The following ANKRD30B variants were observed in gnomAD, a reference collection of about 807,000 sequenced individuals.
ANKRD30B encodes ankyrin repeat domain-containing protein 30B.
A neutral mutation model predicts 202.2 loss-of-function variants in ANKRD30B; 144 were observed. The observed-to-expected ratio is 0.71, with a 90% CI of 0.62 to 0.82. The LOEUF (loss-of-function observed/expected upper bound fraction) is 0.82, where lower values mean the gene tolerates loss of function less well. Among genes scored for constraint, ANKRD30B ranks in the 40% least tolerant of loss-of-function variants. The probability of loss-of-function intolerance (pLI) is 0.00; values close to 1 mark genes in which losing one functional copy is unlikely to be tolerated. For missense variants in ANKRD30B, 1,487 were observed against 1,669.1 expected, an observed-to-expected ratio of 0.89 and a Z score of 1.90; for synonymous variants, 508 against 561.3, an observed-to-expected ratio of 0.91 and a Z score of 1.34.
chr18:14,799,091 T>G lies in ANKRD30B; in HGVS notation c.2030-10T>G, dbSNP rs749590728. On this transcript the variant is annotated splice_polypyrimidine_tract_variant and intron_variant, in intron 20 of 43. Transcript: ENST00000690538. Reference sequence around the variant, plus strand: ...CATATAATCAATTATATATGTCCCTTTTCTTTTAGAGTCTCCTGATAATGA... The same window carrying G: ...CATATAATCAATTATATATGTCCCTGTTCTTTTAGAGTCTCCTGATAATGA... 6.4e-7 allele frequency: 1 copy of G among 1,569,812 alleles called. No individual in the cohort carries two copies. The highest frequency in any genetic ancestry group is 1.4e-5 in the African/African-American group (1 of 73,894).
the ANKRD30B span, among the ~76,000 whole-genome samples, chr18:14,911,672 T>C: frequency 3.9e-5 from 6 of 152,208 alleles, no homozygotes; most frequent in African/African-American, 1.4e-4. Context: ...ATGATGTTAG[T>C]AATTTAATAG....
At chr18:14,761,078 T>C (rs1271119161) in intron 6 of ANKRD30B, among the ~76,000 whole-genome samples, 1 of 152,212 alleles carries the variant, frequency 6.6e-6, no homozygotes, top group Non-Finnish European at 1.5e-5. Flanking sequence ...ATAAATGTTA[T>C]TACAAATGAT....
chr18:14,810,701 T>C lies in ANKRD30B; in HGVS notation c.2488+521T>C, dbSNP rs892768748. ...TGACTCTTTGCTAGACACACTGTTT[T>C]AGAAGTGTGACTCTAAAGCTTTTGG... On this transcript the variant is annotated intron_variant, in intron 28 of 43. Transcript: ENST00000690538. Among the ~76,000 whole-genome samples the C allele has an allele frequency of 1.6e-3, 234 of 150,620 alleles. 1 individual carries two copies. Among genetic ancestry groups the C allele is most frequent in the Non-Finnish European group, 2.0e-3 (135 of 67,572 alleles).
chr18:14,815,676 C>T (rs1341980019), intron 30 of ANKRD30B, among the ~76,000 whole-genome samples: 4 of 152,142 alleles, frequency 2.6e-5, no homozygotes, highest in Non-Finnish European at 4.4e-5. Flanking sequence ...GAATTTATTG[C>T]TTGAATACCT....
rs1445973647 is a variant in ANKRD30B at position 14,820,224 on chromosome 18, CTT to C, written c.2642-2257_2642-2256del. On this transcript the variant is annotated intron_variant, in intron 30 of 43. Coordinates refer to ENST00000690538, the MANE Select transcript of ANKRD30B (RefSeq NM_001367607.2). The stretch of plus-strand genomic sequence containing the variant: ...TGTACATTGATTTTGTATCCTGAGA[CTT>C]TGCTGAATTTGCTTATCAGCTTAAG... Among the ~76,000 whole-genome samples the C allele has an allele frequency of 3.3e-5, 5 of 152,162 alleles. No individual in the cohort carries two copies. In the East Asian group the frequency reaches 7.7e-4, roughly 23 times the overall value.
At chr18:14,878,294 TTATC>T in the ANKRD30B span, among the ~76,000 whole-genome samples, 17 of 152,272 alleles carry the variant, frequency 1.1e-4, no homozygotes, top group Middle Eastern at 3.4e-3. Context: ...GTTAACTTGA[TTATC>T]TACCCTGTGG....
the ANKRD30B span, chr18:14,883,666 A>AG: frequency 6.7e-6 from 1 of 150,036 alleles, no homozygotes; most frequent in Admixed American, 6.7e-5. Flanking sequence ...GGGCAGCCAA[A>AG]GGGAGGATTA....
At position 14,776,974 on chromosome 18, in the gene ANKRD30B, T is replaced by A. The variant is rs545203152; in HGVS notation, c.1330-1011T>A. The stretch of plus-strand genomic sequence containing the variant: ...AAAATTCTCTTCATGCCATGCATAG[T>A]TTTTAACAAAAATTCTATAATTATG... On this transcript the variant is annotated intron_variant, in intron 9 of 43. Transcript: ENST00000690538. 3.3e-5 allele frequency among the ~76,000 whole-genome samples: 5 copies of A among 152,316 alleles called. No homozygotes were observed. The South Asian group carries it at 6.2e-4, about 19-fold the overall frequency.
chr18:14,862,953 C>T, the ANKRD30B span, among the ~76,000 whole-genome samples: 42 of 152,310 alleles, frequency 2.8e-4, no homozygotes, highest in Admixed American at 9.8e-4. Flanking sequence ...TGCCCAACTT[C>T]GCCATTTGGG....
chr18:14,810,494 C>T (rs1054050640), intron 28 of ANKRD30B, among the ~76,000 whole-genome samples: 1 of 150,972 alleles, frequency 6.6e-6, no homozygotes, highest in Non-Finnish European at 1.5e-5. Context: ...GAAATATTTT[C>T]AGTGGTTCAA....
At chr18:14,856,440 T>C (rs540969545), downstream of ANKRD30B, among the ~76,000 whole-genome samples, 75 of 137,332 alleles carry the variant, frequency 5.5e-4, 2 homozygotes, top group African/African-American at 1.9e-3. Flanking sequence ...GCAGAGGCGC[T>C]CCTCAACTGC....
At chr18:14,938,004 C>A in the ANKRD30B span, among the ~76,000 whole-genome samples, 2 of 152,200 alleles carry the variant, frequency 1.3e-5, no homozygotes, top group Non-Finnish European at 2.9e-5. Context: ...AACCGCTGCT[C>A]CTAAAACTAA....
intron 16 of ANKRD30B, among the ~76,000 whole-genome samples, chr18:14,792,336 G>A (rs1381050532): frequency 2.0e-5 from 3 of 152,074 alleles, no homozygotes; most frequent in East Asian, 1.9e-4. Flanking sequence ...AAGCATTATG[G>A]TGCTCCTATT....
intron 30 of ANKRD30B, among the ~76,000 whole-genome samples, chr18:14,818,861 C>A (rs2070846522): frequency 1.3e-5 from 2 of 151,828 alleles, no homozygotes; most frequent in African/African-American, 4.8e-5. Context: ...ATTTATAGTC[C>A]TTTGGGTATA....
chr18:14,821,858 T>G (rs1034878212), intron 30 of ANKRD30B, among the ~76,000 whole-genome samples: 4 of 152,216 alleles, frequency 2.6e-5, no homozygotes, highest in African/African-American at 9.6e-5. Flanking sequence ...ATAAAAATAC[T>G]CGTATTTCAC....
At chr18:14,843,780 C>A (rs1242072736) in intron 39 of ANKRD30B, among the ~76,000 whole-genome samples, 1 of 151,864 alleles carries the variant, frequency 6.6e-6, no homozygotes, top group Non-Finnish European at 1.5e-5. Flanking sequence ...GGGGACAGAG[C>A]GAGACTCCGT....
chr18:14,823,438 C>T (rs1970533336), intron 32 of ANKRD30B, among the ~76,000 whole-genome samples: 1 of 151,588 alleles, frequency 6.6e-6, no homozygotes, highest in Non-Finnish European at 1.5e-5. Context: ...AGTGTTGTCA[C>T]TCTGAGAATC....
At chr18:14,755,200 A>C (rs1419001436) in intron 4 of ANKRD30B, among the ~76,000 whole-genome samples, 195 bp downstream of exon 4, 1 of 152,134 alleles carries the variant, frequency 6.6e-6, no homozygotes, top group Non-Finnish European at 1.5e-5. Flanking sequence ...AGTAGGACTT[A>C]TCTTCTCTTA....
intron 12 of ANKRD30B, 30 bp from the exon 13 acceptor site, chr18:14,784,306 G>A (rs1177298868): frequency 7.5e-6 from 12 of 1,605,672 alleles, no homozygotes; most frequent in Middle Eastern, 1.9e-4. Context: ...ATTTACTTAT[G>A]ATTGATGATA....
Sources: gnomAD v4.1 joint callset for allele counts (sites outside exome capture counted in the v4.1 genomes callset) on GRCh38, gnomAD v4.1.1 for gene constraint, MANE v1.5 for transcripts, NCBI Gene and HGNC (gene_info 2026-07-23, HGNC 2026-07-21) for gene names.